The following CLEC17A variants were observed in gnomAD, a reference collection of about 807,000 sequenced individuals.
The protein encoded by CLEC17A is C-type lectin domain containing 17A.
CLEC17A carries 37 observed loss-of-function variants against 61.3 expected under a neutral mutation model. That is an observed-to-expected ratio of 0.60 (90% confidence interval 0.46 to 0.79). CLEC17A has a LOEUF of 0.79. Ranked by LOEUF, CLEC17A falls within the 30% of genes least tolerant of loss-of-function variation. The pLI, the probability that CLEC17A is intolerant of heterozygous loss-of-function variation, is 0.00. For synonymous variants in CLEC17A, 168 were observed against 164.9 expected (o/e 1.02, Z -0.14); for missense variants, 418 against 464.7 (o/e 0.90, Z 0.92).
At chr19:14,591,381 C>G (rs1020220686) in intron 3 of CLEC17A, among the ~76,000 whole-genome samples, 12 of 151,426 alleles carry the variant, frequency 7.9e-5, no homozygotes, top group African/African-American at 2.2e-4. Context: ...GTCTCGATCT[C>G]CTGACCTTGT....
In CLEC17A at chr19:14,583,371, G is replaced by A. The variant is rs765055669; in HGVS notation, c.58G>A (p.Glu20Lys). 6.8e-6 allele frequency: 11 copies of A among 1,611,718 alleles called. No homozygotes were observed. In the South Asian group the frequency reaches 1.1e-4, roughly 16 times the overall value. Reference sequence around the variant, plus strand: ...TCCCCTGGAAGGGACCATGGAGGAGGAGGAGGAGGATGATGACTATGAGAA... The same window carrying A: ...TCCCCTGGAAGGGACCATGGAGGAGAAGGAGGAGGATGATGACTATGAGAA... ...YPDPPGTMEEEEEDDDYENST... is the reference protein window; with the variant it reads ...YPDPPGTMEEKEEDDDYENST... The change falls in exon 2 of 14, where the codon GAG (glutamate) becomes AAG (lysine). Residue 20 changes from glutamate to lysine, a missense_variant. Coordinates refer to ENST00000417570, the MANE Select transcript of CLEC17A (RefSeq NM_001204118.2).
chr19:14,600,627 G>A (rs922901212), intron 12 of CLEC17A, among the ~76,000 whole-genome samples: 1 of 151,468 alleles, frequency 6.6e-6, no homozygotes. Context: ...TTTCACCCAG[G>A]CTGGAGTGCA....
intron 2 of CLEC17A, among the ~76,000 whole-genome samples, chr19:14,586,219 G>A (rs2074275066): frequency 1.3e-5 from 2 of 151,082 alleles, no homozygotes; most frequent in Admixed American, 1.3e-4. Flanking sequence ...TCTGCCTCCC[G>A]GGTTCAAGTG....
intron 8 of CLEC17A, among the ~76,000 whole-genome samples, chr19:14,595,872 T>C (rs2074532430): frequency 6.9e-6 from 1 of 145,956 alleles, no homozygotes; most frequent in Non-Finnish European, 1.5e-5. Context: ...AGTGATGGTG[T>C]TAGTGAGATG....
At chr19:14,606,137 G>C (rs2074860840) in intron 12 of CLEC17A, among the ~76,000 whole-genome samples, 1 of 151,850 alleles carries the variant, frequency 6.6e-6, no homozygotes. Flanking sequence ...GCAGATTAAG[G>C]CTACCGAGTA....
intron 2 of CLEC17A, among the ~76,000 whole-genome samples, chr19:14,583,904 G>A (rs1026783816): frequency 2.6e-5 from 4 of 152,004 alleles, no homozygotes; most frequent in African/African-American, 7.3e-5. Flanking sequence ...GCATAGCACA[G>A]GGTTCAACAA....
intron 8 of CLEC17A, 36 bp from the exon 9 acceptor site, chr19:14,596,840 A>G (rs1568454900): frequency 1.2e-6 from 2 of 1,601,436 alleles, no homozygotes; most frequent in Non-Finnish European, 8.5e-7. Flanking sequence ...CTGAAGCCCC[A>G]GTATCAGTCT....
At chr19:14,609,847 A>T (rs2075003880) in intron 13 of CLEC17A, among the ~76,000 whole-genome samples, 1 of 144,908 alleles carries the variant, frequency 6.9e-6, no homozygotes, top group African/African-American at 2.6e-5. Context: ...CCAAAACAAA[A>T]CAAAACAAAA....
At chr19:14,595,402 A>T in intron 8 of CLEC17A, 87 bp downstream of exon 8, 1 of 1,458,910 alleles carries the variant, frequency 6.9e-7, no homozygotes, top group South Asian at 1.1e-5. Flanking sequence ...GAGTCAGAGG[A>T]ACTTCTCCTT....
intron 2 of CLEC17A, among the ~76,000 whole-genome samples, chr19:14,586,599 A>AT (rs34892433): frequency 0.24 from 35,860 of 149,536 alleles, 7,890 homozygotes; most frequent in African/African-American, 0.59. Flanking sequence ...TTTTTTCTAA[A>AT]TTTTTTTTAC....
At chr19:14,593,134 C>T (rs2074460517) in intron 4 of CLEC17A, among the ~76,000 whole-genome samples, 1 of 151,966 alleles carries the variant, frequency 6.6e-6, no homozygotes, top group Admixed American at 6.6e-5. Flanking sequence ...TCTCAATAAA[C>T]CCAAGGCATA....
intron 8 of CLEC17A, among the ~76,000 whole-genome samples, chr19:14,596,656 G>A (rs1467991557): frequency 6.6e-6 from 1 of 152,074 alleles, no homozygotes; most frequent in Non-Finnish European, 1.5e-5. Context: ...AGGAAAAAGA[G>A]AAGGATGCAA....
chr19:14,604,961 G>A (rs1190543454), intron 12 of CLEC17A, among the ~76,000 whole-genome samples: 2 of 152,058 alleles, frequency 1.3e-5, no homozygotes, highest in Non-Finnish European at 2.9e-5. Flanking sequence ...CACCCAAACA[G>A]CAACAATAGC....
chr19:14,607,385 A>G (rs1259904340), intron 13 of CLEC17A, among the ~76,000 whole-genome samples: 2 of 151,120 alleles, frequency 1.3e-5, no homozygotes, highest in Non-Finnish European at 1.5e-5. Context: ...TTGTATTTTT[A>G]GTAGAGACGG....
intron 3 of CLEC17A, among the ~76,000 whole-genome samples, chr19:14,588,021 T>A (rs141803003): frequency 2.2e-4 from 33 of 151,778 alleles, no homozygotes; most frequent in Middle Eastern, 3.4e-3. Flanking sequence ...AGGAGAGAAC[T>A]GTTAGGTGCA....
Position 14,595,257 on chromosome 19 carries a change from C to G in CLEC17A, c.404-17C>G, listed in dbSNP as rs1016415117. The G allele has an allele frequency of 6.8e-6, 11 of 1,613,898 alleles. No individual in the cohort carries two copies. The highest frequency in any genetic ancestry group is 9.3e-6 in the Non-Finnish European group (11 of 1,179,786). ...TTTGGCATCTTCTGAATAAACCTCT[C>G]TCCCCCTTTCTCCCAGCTGTGAATC... On this transcript the variant is annotated splice_polypyrimidine_tract_variant and intron_variant, in intron 7 of 13. Transcript: ENST00000417570.
chr19:14,610,447 T>TCCCACTC lies in CLEC17A; in HGVS notation c.*252_*253insCCACTCC, dbSNP rs2075019897. The TCCCACTC allele has an allele frequency of 3.5e-5, 18 of 511,138 alleles. No individual in the cohort carries two copies. In the South Asian group the frequency reaches 3.8e-4, roughly 11 times the overall value. 31.7% of individuals were successfully genotyped at this position (511,138 alleles called of 1,614,324 possible). On this transcript the variant is annotated 3_prime_UTR_variant, in exon 14 of 14. Transcript: ENST00000417570. ...GCTTGGTGGTGGGAGGTCTCCCACT[T>TCCCACTC]CTGGGGTTGAAAGGATCTTCACTAA... is the stretch of plus-strand genomic sequence containing the variant.
intron 13 of CLEC17A, among the ~76,000 whole-genome samples, chr19:14,607,954 T>G (rs973366065): frequency 1.3e-5 from 2 of 152,078 alleles, no homozygotes; most frequent in African/African-American, 4.8e-5. Flanking sequence ...CACTGCAGCC[T>G]CAACCTCCCA....
At chr19:14,607,153 C>G in intron 13 of CLEC17A, 51 bp downstream of exon 13, 2 of 845,196 alleles carry the variant, frequency 2.4e-6, no homozygotes. Flanking sequence ...TGGGCCCTGA[C>G]CATGGGGAGG....
Sources: allele counts gnomAD v4.1 joint callset (sites outside exome capture counted in the v4.1 genomes callset), GRCh38; gene constraint gnomAD v4.1.1; transcripts MANE v1.5; gene names NCBI Gene and HGNC (gene_info 2026-07-23, HGNC 2026-07-21).